The following CFTR variants were observed in gnomAD, a reference collection of about 807,000 sequenced individuals.
CFTR encodes CF transmembrane conductance regulator, also known as cystic fibrosis transmembrane conductance regulator.
A neutral mutation model predicts 171.6 loss-of-function variants in CFTR; 181 were observed. The observed-to-expected ratio is 1.05, with a 90% CI of 0.93 to 1.19. The LOEUF is 1.19. Among genes scored for constraint, CFTR ranks in the 50% most tolerant of loss-of-function variants. CFTR has a pLI of 0.00. For missense variants in CFTR, 1,968 were observed against 1,734.7 expected (o/e 1.13, Z -2.39); for synonymous variants, 583 against 608.0 (o/e 0.96, Z 0.60).
At chr7:117,559,049 A>G (rs1799409641) in intron 10 of CFTR, among the ~76,000 whole-genome samples, 1 of 152,216 alleles carries the variant, frequency 6.6e-6, no homozygotes, top group South Asian at 2.1e-4. Flanking sequence ...ACCTAATAAT[A>G]TGAAGGTAAT....
intron 7 of CFTR, 25 bp downstream of exon 7, chr7:117,536,698 A>T: frequency 6.3e-7 from 1 of 1,584,826 alleles, no homozygotes; most frequent in Admixed American, 1.7e-5. Context: ...TAATTTCAAT[A>T]TTGTTAGTAA....
At chr7:117,493,657 C>A (rs1374565883) in intron 1 of CFTR, among the ~76,000 whole-genome samples, 1 of 152,042 alleles carries the variant, frequency 6.6e-6, no homozygotes, top group Admixed American at 6.6e-5. Context: ...AAACTTAAAT[C>A]TTGAGTCATA....
In CFTR at chr7:117,559,650, G is replaced by C. The variant is rs397508228; in HGVS notation, c.1579G>C (p.Glu527Gln). ...YRSVIKACQLEEDISKFAEKD... is the reference protein window; with the variant it reads ...YRSVIKACQLQEDISKFAEKD... The stretch of plus-strand genomic sequence containing the variant: ...AAGCGTCATCAAAGCATGCCAACTA[G>C]AAGAGGTAAGAAACTATGTGAAAAC... The change falls in exon 11 of 27, where the codon GAA (glutamate) becomes CAA (glutamine). Residue 527 changes from glutamate to glutamine, a missense_variant. Physicochemically the swap from Glu to Gln is conservative, Grantham distance 29 (BLOSUM62 2). Transcript: ENST00000003084. The C allele has an allele frequency of 1.2e-6, 2 of 1,611,132 alleles. No homozygotes were observed. Among genetic ancestry groups the C allele is most frequent in the Non-Finnish European group, 8.5e-7 (1 of 1,177,842 alleles).
intron 9 of CFTR, among the ~76,000 whole-genome samples, chr7:117,542,503 C>T (rs549609642): frequency 4.0e-5 from 6 of 151,722 alleles, no homozygotes; most frequent in South Asian, 2.1e-4. Flanking sequence ...GCTAAGATCA[C>T]GCCACTGCAC....
intron 22 of CFTR, among the ~76,000 whole-genome samples, chr7:117,630,819 A>G (rs182665370): frequency 1.3e-5 from 2 of 152,032 alleles, no homozygotes; most frequent in East Asian, 3.9e-4. Flanking sequence ...TTATTTTCTT[A>G]TCTGCCTAGG....
chr7:117,536,785 T>G (rs1798966811), intron 7 of CFTR, 112 bp downstream of exon 7: 2 of 918,986 alleles, frequency 2.2e-6, no homozygotes, highest in African/African-American at 3.3e-5. Context: ...GACAATCAAA[T>G]GATTGCATTT....
intron 15 of CFTR, among the ~76,000 whole-genome samples, chr7:117,596,159 T>C (rs567968502): frequency 2.4e-5 from 2 of 83,832 alleles, no homozygotes; most frequent in African/African-American, 9.9e-5. Flanking sequence ...GGAGAGGCGC[T>C]GGGGGAACTG....
intron 11 of CFTR, among the ~76,000 whole-genome samples, chr7:117,583,642 CTT>C (rs113059446): frequency 7.4e-5 from 11 of 148,580 alleles, no homozygotes; most frequent in Admixed American, 3.3e-4. Flanking sequence ...CATGAGTGTG[CTT>C]TTTTTTTTTC....
At chr7:117,558,616 C>A (rs1200589122) in intron 10 of CFTR, among the ~76,000 whole-genome samples, 1 of 151,390 alleles carries the variant, frequency 6.6e-6, no homozygotes, top group South Asian at 2.1e-4. Context: ...CCTCTGCTAC[C>A]TCCTTTCCTT....
chr7:117,635,882 A>G (rs1792819466), intron 22 of CFTR, among the ~76,000 whole-genome samples: 1 of 152,140 alleles, frequency 6.6e-6, no homozygotes, highest in Non-Finnish European at 1.5e-5. Flanking sequence ...TGTTATCGTT[A>G]AATCAATTAA....
chr7:117,556,470 C>T lies in CFTR; in HGVS notation c.1393-2994C>T, dbSNP rs186447930. Among the ~76,000 whole-genome samples, 40 of 149,562 alleles carry T rather than the reference C, an allele frequency of 2.7e-4. No homozygotes were observed. Among genetic ancestry groups the T allele is most frequent in the Admixed American group, 8.7e-4 (13 of 15,020 alleles). On this transcript the variant is annotated intron_variant, in intron 10 of 26. Coordinates refer to ENST00000003084, the MANE Select transcript of CFTR (RefSeq NM_000492.4). The stretch of plus-strand genomic sequence containing the variant: ...ACCTGTTTTGAATTTTTTTTCCAAG[C>T]GGTCCCTTATGAGTTTTCTCTATGT...
At chr7:117,574,801 T>C (rs1472302066) in intron 11 of CFTR, among the ~76,000 whole-genome samples, 1 of 152,124 alleles carries the variant, frequency 6.6e-6, no homozygotes, top group African/African-American at 2.4e-5. Flanking sequence ...ATGAACAATA[T>C]TTAGTAGCTT....
At chr7:117,652,452 A>G (rs911661272) in intron 23 of CFTR, among the ~76,000 whole-genome samples, 3 of 152,214 alleles carry the variant, frequency 2.0e-5, no homozygotes, top group Non-Finnish European at 4.4e-5. Context: ...ATTTGTTCTA[A>G]CAGGTTAATT....
chr7:117,545,135 T>C (rs1799118209), intron 9 of CFTR, among the ~76,000 whole-genome samples: 1 of 152,216 alleles, frequency 6.6e-6, no homozygotes, highest in African/African-American at 2.4e-5. Flanking sequence ...GAAAGGCATG[T>C]CTCACATGGA....
chr7:117,543,275 C>G lies in CFTR; in HGVS notation c.1209+1167C>G, dbSNP rs528508879. Among the ~76,000 whole-genome samples, 11 of 152,268 alleles carry G rather than the reference C, an allele frequency of 7.2e-5. No individual in the cohort carries two copies. The South Asian group carries it at 1.5e-3, about 20-fold the overall frequency. ...TTTTAAAGATATAGTAAGAGTAATTCCCATCTGCCTAGCAAAATTGTTTTG... is the reference window on the plus strand; with the variant it reads ...TTTTAAAGATATAGTAAGAGTAATTGCCATCTGCCTAGCAAAATTGTTTTG... On this transcript the variant is annotated intron_variant, in intron 9 of 26. Coordinates refer to ENST00000003084, the MANE Select transcript of CFTR (RefSeq NM_000492.4).
At chr7:117,502,596 A>T (rs1798349355) in intron 1 of CFTR, among the ~76,000 whole-genome samples, 1 of 152,156 alleles carries the variant, frequency 6.6e-6, no homozygotes, top group Non-Finnish European at 1.5e-5. Context: ...TTTATGTTAG[A>T]TACTGGGATA....
chr7:117,514,067 A>G (rs1798562563), intron 3 of CFTR, among the ~76,000 whole-genome samples: 1 of 152,202 alleles, frequency 6.6e-6, no homozygotes, highest in Non-Finnish European at 1.5e-5. Context: ...GTTGAGAACT[A>G]TTTGTAGACA....
At chr7:117,650,996 C>T (rs1386009069) in intron 23 of CFTR, among the ~76,000 whole-genome samples, 1 of 152,108 alleles carries the variant, frequency 6.6e-6, no homozygotes, top group African/African-American at 2.4e-5. Flanking sequence ...AGCTAAGTGA[C>T]CTTGGACAAG....
At chr7:117,589,364 A>T (rs902329912) in intron 12 of CFTR, among the ~76,000 whole-genome samples, 7 of 152,022 alleles carry the variant, frequency 4.6e-5, no homozygotes, top group Non-Finnish European at 1.0e-4. Flanking sequence ...AAATTTTTAA[A>T]TTGGCTTTAA....
Sources: allele counts gnomAD v4.1 joint callset (sites outside exome capture counted in the v4.1 genomes callset), GRCh38; gene constraint gnomAD v4.1.1; transcripts MANE v1.5; gene names NCBI Gene and HGNC (gene_info 2026-07-23, HGNC 2026-07-21).